RIC8B: variants seen among roughly 807,000 people sequenced by gnomAD.
RIC8B encodes the protein RIC8 guanine nucleotide exchange factor B, also known as chaperone Ric-8B.
In RIC8B, 16 loss-of-function variants were observed where a neutral mutation model predicts 57.5. The ratio of observed to expected loss-of-function variants is 0.28; its 90% CI spans 0.19 to 0.42. RIC8B has a LOEUF of 0.42. Among genes scored for constraint, RIC8B ranks in the 10% least tolerant of loss-of-function variants. The pLI is 1.00. For synonymous variants in RIC8B, 216 were observed against 250.8 expected, an observed-to-expected ratio of 0.86 and a Z score of 1.31; for missense variants, 481 against 677.0, an observed-to-expected ratio of 0.71 and a Z score of 3.21.
intron 9 of RIC8B, among the ~76,000 whole-genome samples, chr12:106,874,968 TGGTTTCC>T (rs1950598438): frequency 6.6e-6 from 1 of 152,164 alleles, no homozygotes; most frequent in Non-Finnish European, 1.5e-5. Context: ...TTGTACCCTG[TGGTTTCC>T]ACAGTATGTG....
chr12:106,842,739 C>T lies in RIC8B; in HGVS notation c.987C>T (p.Asn329=), dbSNP rs1949013549. The T allele has an allele frequency of 6.2e-7, 1 of 1,613,592 alleles. No homozygotes were observed. The highest frequency in any genetic ancestry group is 8.5e-7 in the Non-Finnish European group (1 of 1,179,756). Residue 329 remains asparagine (N), a synonymous_variant, in exon 5 of 10, where the codon AAC becomes AAT. Coordinates refer to ENST00000392837, the MANE Select transcript of RIC8B (RefSeq NM_001330145.2). ...CTGAGAAAGAAACAGTTTTGAAAAA[C>T]AATACCATGGTATACAATGGTATGA... ...KTAEKETVLK[N]NTMVYNGMNM...
At chr12:106,871,666 A>G (rs1196119299) in intron 9 of RIC8B, among the ~76,000 whole-genome samples, 1 of 152,144 alleles carries the variant, frequency 6.6e-6, no homozygotes. Flanking sequence ...TTTTCTAGTC[A>G]TACATTGAGT....
In RIC8B at chr12:106,843,921, A is replaced by C. The variant is rs551364486; in HGVS notation, c.1135A>C (p.Asn379His). The change falls in exon 6 of 10, where the codon AAC becomes CAC. Residue 379 changes from asparagine (N) to histidine (H), a missense_variant. Around this residue, in one of 3 missense-constraint regions of RIC8B, gnomAD observed 421 missense variants for 560.9 expected, o/e 0.75. Coordinates refer to ENST00000392837, the MANE Select transcript of RIC8B (RefSeq NM_001330145.2). ...AACCGAATGTTCCCGAGCCCATCGAAACATCCGAAAATTTCTCAAAGATCA... is the reference window on the plus strand; with the variant it reads ...AACCGAATGTTCCCGAGCCCATCGACACATCCGAAAATTTCTCAAAGATCA... ...LLTECSRAHRNIRKFLKDQVL... is the reference protein window; with the variant it reads ...LLTECSRAHRHIRKFLKDQVL... 6 of 1,613,968 alleles carry C rather than the reference A, an allele frequency of 3.7e-6. No individual in the cohort carries two copies. The South Asian group carries it at 6.6e-5, about 18-fold the overall frequency.
At chr12:106,878,907 G>A (rs563372862) in intron 9 of RIC8B, 1 of 885,044 alleles carries the variant, frequency 1.1e-6, no homozygotes, top group African/African-American at 1.8e-5. Context: ...TACTCAATTA[G>A]AGGGAGGTGA....
intron 1 of RIC8B, among the ~76,000 whole-genome samples, chr12:106,780,265 C>A (rs1017007855): frequency 6.6e-6 from 1 of 152,076 alleles, no homozygotes; most frequent in African/African-American, 2.4e-5. Context: ...ATATGACTAC[C>A]CCATACATAG....
Position 106,786,141 on chromosome 12 carries a change from A to ATTT in RIC8B, c.132+2121_132+2123dup, listed in dbSNP as rs893618675. ...AGCCACCACATTTGGCCCAAGGTGT[A>ATTT]TTTTTTTTTTTTTTTTTTTTTTTTT... is the stretch of plus-strand genomic sequence containing the variant. On this transcript the variant is annotated intron_variant, in intron 2 of 9. Coordinates refer to ENST00000392837, the MANE Select transcript of RIC8B (RefSeq NM_001330145.2). Among the ~76,000 whole-genome samples the ATTT allele has an allele frequency of 3.0e-4, 22 of 73,926 alleles. 1 individual carries two copies. The highest frequency in any genetic ancestry group is 7.8e-4 in the African/African-American group (14 of 17,848). The allele number at this position is 73,926 out of a possible 152,430, so 48.5% of individuals were successfully genotyped here.
chr12:106,839,295 G>A (rs2046761929), intron 4 of RIC8B, among the ~76,000 whole-genome samples: 1 of 152,130 alleles, frequency 6.6e-6, no homozygotes. Flanking sequence ...TCAGATGAAT[G>A]GATAAAATGT....
intron 2 of RIC8B, among the ~76,000 whole-genome samples, chr12:106,791,492 A>C (rs1403710233): frequency 6.6e-6 from 1 of 152,212 alleles, no homozygotes; most frequent in African/African-American, 2.4e-5. Flanking sequence ...GGGAGAGCAT[A>C]AAAAACTCTT....
chr12:106,880,805 ACT>A (rs746849793), intron 9 of RIC8B, among the ~76,000 whole-genome samples: 7 of 152,058 alleles, frequency 4.6e-5, no homozygotes, highest in Admixed American at 6.6e-5. Flanking sequence ...GAAGACATGG[ACT>A]CTGCCCTCAA....
Position 106,867,502 on chromosome 12 carries a change from C to G in RIC8B, c.1452-3321C>G, listed in dbSNP as rs1950188249. ...TTTTGGAATGAAATAAAACTAACTCCAGAATTTCATAGCGTTAAGATTGAA... is the reference window on the plus strand; with the variant it reads ...TTTTGGAATGAAATAAAACTAACTCGAGAATTTCATAGCGTTAAGATTGAA... On this transcript the variant is annotated intron_variant, in intron 8 of 9. Coordinates refer to ENST00000392837, the MANE Select transcript of RIC8B (RefSeq NM_001330145.2). The surrounding 1 kb of genome is among the most constrained non-coding windows in gnomAD (Gnocchi z 4.3). 6.6e-6 allele frequency among the ~76,000 whole-genome samples: 1 copy of G among 152,176 alleles called. No individual in the cohort carries two copies. Among genetic ancestry groups the G allele is most frequent in the Non-Finnish European group, 1.5e-5 (1 of 68,036 alleles).
At chr12:106,872,117 CT>C (rs1409462554) in intron 9 of RIC8B, among the ~76,000 whole-genome samples, 4 of 152,270 alleles carry the variant, frequency 2.6e-5, no homozygotes, top group Non-Finnish European at 5.9e-5. Context: ...GAATTTACAG[CT>C]AACTGACTAT....
chr12:106,816,596 T>C (rs1262504701), intron 3 of RIC8B, among the ~76,000 whole-genome samples: 1 of 152,238 alleles, frequency 6.6e-6, no homozygotes, highest in African/African-American at 2.4e-5. Flanking sequence ...TTTTAAGTTC[T>C]CCATTTGAGA....
chr12:106,780,598 G>A lies in RIC8B; in HGVS notation c.85-3399G>A, dbSNP rs554478424. Among the ~76,000 whole-genome samples the A allele has an allele frequency of 2.0e-5, 3 of 152,334 alleles. No individual in the cohort carries two copies. In the East Asian group the frequency reaches 5.8e-4, roughly 29 times the overall value. ...TCACTCTGTGGGTTCTTGCAGAGAAGCATGTTTAGTGGGCTGTTCCTTTGT... is the reference window on the plus strand; with the variant it reads ...TCACTCTGTGGGTTCTTGCAGAGAAACATGTTTAGTGGGCTGTTCCTTTGT... On this transcript the variant is annotated intron_variant, in intron 1 of 9. Transcript: ENST00000392837.
chr12:106,774,964 CA>C, intron 1 of RIC8B, 135 bp downstream of exon 1: 1 of 681,340 alleles, frequency 1.5e-6, no homozygotes, highest in Non-Finnish European at 2.5e-6. Context: ...CCGGCTTGGG[CA>C]TGCGTGTTTG....
chr12:106,845,292 G>A (rs1403225477), intron 6 of RIC8B, among the ~76,000 whole-genome samples: 3 of 151,418 alleles, frequency 2.0e-5, no homozygotes, highest in East Asian at 1.9e-4. Context: ...AGCCCCAACC[G>A]GTTCCTTAGC....
intron 4 of RIC8B, among the ~76,000 whole-genome samples, chr12:106,831,983 T>G (rs990371848): frequency 6.6e-6 from 1 of 152,226 alleles, no homozygotes; most frequent in East Asian, 1.9e-4. Flanking sequence ...CTGCTCTTCT[T>G]TCTCTTCCTT....
chr12:106,827,574 A>C (rs1323909654), intron 4 of RIC8B, among the ~76,000 whole-genome samples: 8 of 152,196 alleles, frequency 5.3e-5, no homozygotes, highest in Admixed American at 5.2e-4. Context: ...AGGTTATCTC[A>C]GTGTACTCCC....
intron 9 of RIC8B, among the ~76,000 whole-genome samples, chr12:106,885,356 A>G (rs1951130096): frequency 6.6e-6 from 1 of 152,150 alleles, no homozygotes; most frequent in Non-Finnish European, 1.5e-5. Context: ...AGAGAGAAGG[A>G]AAGAAAAGTC....
chr12:106,788,322 C>T (rs374522087), intron 2 of RIC8B, among the ~76,000 whole-genome samples: 17 of 152,278 alleles, frequency 1.1e-4, no homozygotes, highest in African/African-American at 3.9e-4. Flanking sequence ...TCAGTGTCTG[C>T]GGCTCTTCCA....
Sources: gnomAD v4.1 joint callset for allele counts (sites outside exome capture counted in the v4.1 genomes callset) on GRCh38, gnomAD v4.1.1 for gene constraint, gnomAD v4.1.1 regional missense constraint, Gnocchi (gnomAD v3.1) non-coding constraint, MANE v1.5 for transcripts, NCBI Gene and HGNC (gene_info 2026-07-23, HGNC 2026-07-21) for gene names.